Variants in AZGP1 observed in about 807,000 individuals in gnomAD.
AZGP1 encodes the protein zinc-alpha-2-glycoprotein.
A neutral mutation model predicts 31.5 loss-of-function variants in AZGP1; 28 were observed. The observed-to-expected ratio is 0.89, with a 90% CI of 0.66 to 1.22. The LOEUF is 1.22. Ranked by LOEUF, AZGP1 falls within the 50% of genes most tolerant of loss-of-function variation. The pLI is 0.00. For synonymous variants in AZGP1, 135 were observed against 145.4 expected (o/e 0.93, Z 0.51); for missense variants, 361 against 371.8 (o/e 0.97, Z 0.24).
chr7:99,968,524 A>G (rs566765189), intron 2 of AZGP1, 94 bp from the exon 3 acceptor site: 2 of 1,501,052 alleles, frequency 1.3e-6, no homozygotes, highest in South Asian at 2.4e-5. Flanking sequence ...AACCCAAAAG[A>G]AATAAAGGTT....
intron 1 of AZGP1, among the ~76,000 whole-genome samples, chr7:99,974,168 G>C (rs1789622054): frequency 6.6e-6 from 1 of 151,892 alleles, no homozygotes; most frequent in Non-Finnish European, 1.5e-5. Context: ...ATAATTGCTT[G>C]AACCCAACAG....
At chr7:99,972,141 T>G (rs773996834) in intron 1 of AZGP1, 135 bp from the exon 2 acceptor site, 82 of 1,008,122 alleles carry the variant, frequency 8.1e-5, no homozygotes, top group Non-Finnish European at 1.4e-5. Flanking sequence ...TTCACACCAC[T>G]GGAGGCTCAC....
Position 99,966,914 on chromosome 7 carries a change from G to A in AZGP1, c.*89C>T. On this transcript the variant is annotated 3_prime_UTR_variant, in exon 4 of 4. Coordinates refer to ENST00000292401, the MANE Select transcript of AZGP1 (RefSeq NM_001185.4). Reference sequence around the variant, plus strand: ...GCTCCTCAGGCCTTGTGGATCCATTGACTGTGATTTCTGTGGTTCAGCTCC... The same window carrying A: ...GCTCCTCAGGCCTTGTGGATCCATTAACTGTGATTTCTGTGGTTCAGCTCC... The A allele has an allele frequency of 1.3e-6, 2 of 1,513,714 alleles. No individual in the cohort carries two copies. The highest frequency in any genetic ancestry group is 2.5e-5 in the South Asian group (2 of 78,864). 93.8% of individuals were successfully genotyped at this position (1,513,714 alleles called of 1,614,324 possible).
Position 99,968,213 on chromosome 7 carries a change from C to A in AZGP1, c.555G>T (p.Glu185Asp). 1 of 1,613,880 alleles carries A rather than the reference C, an allele frequency of 6.2e-7. No individual in the cohort carries two copies. Among genetic ancestry groups the A allele is most frequent in the African/African-American group, 1.3e-5 (1 of 74,954 alleles). Residue 185 changes from glutamate (E) to aspartate (D), a missense_variant, in exon 3 of 4, where the codon GAG (glutamate) becomes GAT (aspartate). By Grantham distance (45) the Glu-to-Asp change is conservative (BLOSUM62 2). Coordinates refer to ENST00000292401, the MANE Select transcript of AZGP1 (RefSeq NM_001185.4). The stretch of plus-strand genomic sequence containing the variant: ...GGTATTTCCGCAGAGTCGCAGGGCA[C>A]TCCTCCTCCAGGTAAGCCTTGGCCC... ...VQRAKAYLEE[E>D]CPATLRKYLK...
chr7:99,967,903 G>T, intron 3 of AZGP1: 1 of 612,468 alleles, frequency 1.6e-6, no homozygotes, highest in Non-Finnish European at 2.9e-6. Context: ...TCTGTTAATT[G>T]GAGATGATTT....
chr7:99,967,551 A>G, intron 3 of AZGP1: 2 of 536,598 alleles, frequency 3.7e-6, no homozygotes, highest in Non-Finnish European at 6.7e-6. Flanking sequence ...CCCACATCTC[A>G]GTGGGCTTTG....
chr7:99,967,987 C>G (rs1205798450), intron 3 of AZGP1, 168 bp downstream of exon 3: 1 of 1,009,618 alleles, frequency 9.9e-7, no homozygotes, highest in Non-Finnish European at 1.5e-6. Flanking sequence ...CTTTTTGGAC[C>G]ACAAATTATA....
At chr7:99,972,220 T>C (rs1321814531) in intron 1 of AZGP1, among the ~76,000 whole-genome samples, 1 of 152,196 alleles carries the variant, frequency 6.6e-6, no homozygotes, top group African/African-American at 2.4e-5. Flanking sequence ...CTTCACTACA[T>C]TATTTCCTCT....
At chr7:99,967,873 C>G in intron 3 of AZGP1, 1 of 597,580 alleles carries the variant, frequency 1.7e-6, no homozygotes, top group Non-Finnish European at 2.9e-6. Context: ...ACCCTCACCT[C>G]CCTAACCTCA....
intron 1 of AZGP1, 36 bp from the exon 2 acceptor site, chr7:99,972,042 G>T: frequency 6.4e-7 from 1 of 1,569,488 alleles, no homozygotes; most frequent in Non-Finnish European, 8.6e-7. Context: ...TGAGGTCCAT[G>T]CAAGGGTCCC....
At chr7:99,967,417 C>T in intron 3 of AZGP1, 131 bp from the exon 4 acceptor site, 1 of 1,048,178 alleles carries the variant, frequency 9.5e-7, no homozygotes, top group Non-Finnish European at 1.4e-6. Context: ...ACCCCCAGCC[C>T]CGGGAGACTT....
intron 2 of AZGP1, among the ~76,000 whole-genome samples, chr7:99,970,332 C>A (rs1295814860): frequency 6.6e-6 from 1 of 152,144 alleles, no homozygotes; most frequent in African/African-American, 2.4e-5. Flanking sequence ...TAACCTCTGC[C>A]TCCTGGGTTC....
At position 99,971,947 on chromosome 7, in the gene AZGP1, C is replaced by T. The variant is rs146017934; in HGVS notation, c.136G>A (p.Ala46Thr). 28 of 1,613,912 alleles carry T rather than the reference C, an allele frequency of 1.7e-5. No homozygotes were observed. The East Asian group carries it at 2.0e-4, about 12-fold the overall frequency. Residue 46 changes from alanine (A) to threonine (T), a missense_variant, in exon 2 of 4, where the codon GCG becomes ACG. Coordinates refer to ENST00000292401, the MANE Select transcript of AZGP1 (RefSeq NM_001185.4). ...TTGAGTGAGCCAAGGGCCTGAAACGCGGGGACGTCTTCAACATGCTTGGAC... is the reference window on the plus strand; with the variant it reads ...TTGAGTGAGCCAAGGGCCTGAAACGTGGGGACGTCTTCAACATGCTTGGAC... Reference protein sequence around the residue: ...GLSKHVEDVPAFQALGSLNDL... With the variant: ...GLSKHVEDVPTFQALGSLNDL...
intron 1 of AZGP1, among the ~76,000 whole-genome samples, chr7:99,973,046 G>A (rs1789606269): frequency 6.6e-6 from 1 of 152,114 alleles, no homozygotes; most frequent in African/African-American, 2.4e-5. Flanking sequence ...GAACCCGGGA[G>A]GCGGAGCTTG....
At chr7:99,971,340 G>T (rs1204617200) in intron 2 of AZGP1, among the ~76,000 whole-genome samples, 1 of 152,204 alleles carries the variant, frequency 6.6e-6, no homozygotes, top group African/African-American at 2.4e-5. Context: ...AGCTAGGACT[G>T]GCAGAACCAC....
intron 1 of AZGP1, among the ~76,000 whole-genome samples, chr7:99,973,830 C>T (rs754910562): frequency 4.0e-5 from 6 of 150,818 alleles, no homozygotes; most frequent in African/African-American, 9.8e-5. Context: ...GCAGGAGAAT[C>T]GCTTAAGCCC....
At chr7:99,972,095 G>T (rs1267943019) in intron 1 of AZGP1, 89 bp from the exon 2 acceptor site, 51 of 1,431,166 alleles carry the variant, frequency 3.6e-5, no homozygotes, top group Middle Eastern at 3.7e-4. Flanking sequence ...CCTGCCACTG[G>T]CCTTTTCTTC....
At chr7:99,970,692 G>C (rs1020639810) in intron 2 of AZGP1, among the ~76,000 whole-genome samples, 6 of 151,766 alleles carry the variant, frequency 4.0e-5, no homozygotes, top group Admixed American at 6.6e-5. Flanking sequence ...CTGACACACA[G>C]CCTGGGCCAT....
In AZGP1 at chr7:99,968,238, C is replaced by T. The variant is rs750052393; in HGVS notation, c.530G>A (p.Arg177Gln). 8 of 1,613,702 alleles carry T rather than the reference C, an allele frequency of 5.0e-6. No homozygotes were observed. The African/African-American group carries it at 6.7e-5, about 13-fold the overall frequency. ...CTCCTCCTCCAGGTAAGCCTTGGCC[C>T]GCTGCACGTAGACTGGTTCTGCCTC... ...KWEAEPVYVQ[R>Q]AKAYLEEECP... Residue 177 changes from arginine (R) to glutamine (Q), a missense_variant, in exon 3 of 4, where the codon CGG becomes CAG. Coordinates refer to ENST00000292401, the MANE Select transcript of AZGP1 (RefSeq NM_001185.4).
Sources: gnomAD v4.1 joint callset for allele counts (sites outside exome capture counted in the v4.1 genomes callset) on GRCh38, gnomAD v4.1.1 for gene constraint, MANE v1.5 for transcripts, NCBI Gene and HGNC (gene_info 2026-07-23, HGNC 2026-07-21) for gene names.